The following AGBL1 variants were observed in gnomAD, a reference collection of about 807,000 sequenced individuals.
AGBL1 encodes the protein cytosolic carboxypeptidase 4.
In AGBL1, 130 loss-of-function variants were observed where a neutral mutation model predicts 118.9. The observed-to-expected ratio is 1.09, with a 90% CI of 0.95 to 1.26. The LOEUF (loss-of-function observed/expected upper bound fraction) is 1.26, where lower values mean the gene tolerates loss of function less well. Ranked by LOEUF, AGBL1 falls within the 50% of genes most tolerant of loss-of-function variation. The pLI is 0.00. For missense variants in AGBL1, 1,584 were observed against 1,298.1 expected (o/e 1.22, Z -3.38); for synonymous variants, 555 against 478.9 (o/e 1.16, Z -2.08).
chr15:86,473,059 A>T (rs2082501287), intron 18 of AGBL1, among the ~76,000 whole-genome samples: 1 of 152,252 alleles, frequency 6.6e-6, no homozygotes, highest in Non-Finnish European at 1.5e-5. Flanking sequence ...CTTTAACATT[A>T]GATTAAATGA....
intron 18 of AGBL1, among the ~76,000 whole-genome samples, chr15:86,491,394 T>G (rs980540547): frequency 6.6e-6 from 1 of 152,128 alleles, no homozygotes; most frequent in Non-Finnish European, 1.5e-5. Context: ...ATGAGAGGCC[T>G]TGTAGGCCTT....
intron 21 of AGBL1, among the ~76,000 whole-genome samples, chr15:86,635,334 C>CCTA (rs1299727538): frequency 1.0e-5 from 1 of 95,944 alleles, no homozygotes; most frequent in African/African-American, 3.9e-5. Flanking sequence ...TCCTCCTCCT[C>CCTA]CTCCTACTCC....
intron 21 of AGBL1, among the ~76,000 whole-genome samples, chr15:86,595,675 A>G (rs1288901103): frequency 2.0e-5 from 3 of 152,190 alleles, no homozygotes; most frequent in Non-Finnish European, 4.4e-5. Flanking sequence ...CACTGCACAG[A>G]TAAAACCAAT....
At chr15:86,357,338 C>A (rs1395509900) in intron 17 of AGBL1, among the ~76,000 whole-genome samples, 2 of 152,094 alleles carry the variant, frequency 1.3e-5, no homozygotes, top group Non-Finnish European at 2.9e-5. Flanking sequence ...GTAATTAAGT[C>A]AAAACTGAAT....
rs566084670 is a variant in AGBL1 at position 86,529,759 on chromosome 15, C to G, written c.2685+6820C>G. On this transcript the variant is annotated intron_variant, in intron 19 of 22. Coordinates refer to ENST00000614907, the MANE Select transcript of AGBL1 (RefSeq NM_001386094.1). ...AGCCCATCAGACTAACAGCGGATCT[C>G]TCGGCAGAAACCCTGCAAGCCAGAA... 4.1e-3 allele frequency among the ~76,000 whole-genome samples: 616 copies of G among 152,062 alleles called. 3 individuals are homozygous for G. Among genetic ancestry groups the G allele is most frequent in the Non-Finnish European group, 7.1e-3 (483 of 68,030 alleles).
chr15:86,847,364 T>A (rs2079334624), intron 22 of AGBL1, among the ~76,000 whole-genome samples: 1 of 152,212 alleles, frequency 6.6e-6, no homozygotes, highest in African/African-American at 2.4e-5. Flanking sequence ...TTGTAGATAA[T>A]GCATTGTGCT....
chr15:86,200,412 G>T (rs978565286), intron 5 of AGBL1, among the ~76,000 whole-genome samples: 1 of 152,028 alleles, frequency 6.6e-6, no homozygotes, highest in Non-Finnish European at 1.5e-5. Flanking sequence ...GCATTTTTCT[G>T]TACAACAGTG....
At chr15:86,685,942 C>G (rs554917339) in intron 22 of AGBL1, among the ~76,000 whole-genome samples, 14 of 152,106 alleles carry the variant, frequency 9.2e-5, no homozygotes, top group African/African-American at 2.7e-4. Context: ...GTACAAAGAT[C>G]GTAACATCCT....
At chr15:86,086,046 T>G (rs1895625812) in intron 1 of AGBL1, among the ~76,000 whole-genome samples, 1 of 152,208 alleles carries the variant, frequency 6.6e-6, no homozygotes, top group Non-Finnish European at 1.5e-5. Context: ...AATGCAGTGA[T>G]GCAATGAGGT....
At chr15:86,164,058 T>C (rs570759868) in intron 5 of AGBL1, among the ~76,000 whole-genome samples, 2 of 152,346 alleles carry the variant, frequency 1.3e-5, no homozygotes, top group African/African-American at 4.8e-5. Flanking sequence ...GAGCAAAGTT[T>C]CTCTCACTGG....
At chr15:86,817,782 A>G (rs1467142749) in intron 22 of AGBL1, among the ~76,000 whole-genome samples, 2 of 152,156 alleles carry the variant, frequency 1.3e-5, no homozygotes, top group Admixed American at 6.5e-5. Flanking sequence ...ATTTGCAAAC[A>G]GGGTCTTTGC....
chr15:86,133,888 A>G (rs2076851436), intron 1 of AGBL1, among the ~76,000 whole-genome samples: 1 of 152,174 alleles, frequency 6.6e-6, no homozygotes, highest in Non-Finnish European at 1.5e-5. Context: ...ACAAAACCAC[A>G]TTACCTACCA....
intron 21 of AGBL1, among the ~76,000 whole-genome samples, chr15:86,665,029 T>C (rs76314153): frequency 6.6e-6 from 1 of 152,178 alleles, no homozygotes; most frequent in Non-Finnish European, 1.5e-5. Context: ...TTAACATTTT[T>C]GTGCCCATAT....
chr15:86,619,976 C>T (rs2084781572), intron 21 of AGBL1, among the ~76,000 whole-genome samples: 1 of 152,200 alleles, frequency 6.6e-6, no homozygotes, highest in South Asian at 2.1e-4. Context: ...CCCAGTCTTT[C>T]CTGCTGATGG....
intron 22 of AGBL1, among the ~76,000 whole-genome samples, chr15:86,827,401 ATATATATGTG>A (rs1567194637): frequency 0.025 from 227 of 8,948 alleles, 46 homozygotes; most frequent in African/African-American, 0.17. Context: ...ATATATACAT[ATATATATGTG>A]TATATATATA....
Position 86,319,530 on chromosome 15 carries a change from A to AT in AGBL1, c.2374+24123dup, listed in dbSNP as rs1196950974. 2.6e-5 allele frequency among the ~76,000 whole-genome samples: 4 copies of AT among 151,866 alleles called. No individual in the cohort carries two copies. The East Asian group carries it at 7.7e-4, about 29-fold the overall frequency. Reference sequence around the variant, plus strand: ...GGTTTGTCTTTCTCTCACATTATATATGGAATCCTTCTGGCCACTGAGGTG... The same window carrying AT: ...GGTTTGTCTTTCTCTCACATTATATATTGGAATCCTTCTGGCCACTGAGGTG... On this transcript the variant is annotated intron_variant, in intron 17 of 22. Coordinates refer to ENST00000614907, the MANE Select transcript of AGBL1 (RefSeq NM_001386094.1).
At chr15:86,592,782 C>G (rs910281221) in intron 21 of AGBL1, among the ~76,000 whole-genome samples, 1 of 152,178 alleles carries the variant, frequency 6.6e-6, no homozygotes, top group African/African-American at 2.4e-5. Flanking sequence ...TGGGAAACTG[C>G]CTTTCCCTGG....
At position 86,639,271 on chromosome 15, in the gene AGBL1, A is replaced by G. The variant is rs1042644792; in HGVS notation, c.2995-35002A>G. ...GGGTCATCTTGGAAGTCTGCCTACCACAATGACCTTGCACTAGATCTACTT... is the reference window on the plus strand; with the variant it reads ...GGGTCATCTTGGAAGTCTGCCTACCGCAATGACCTTGCACTAGATCTACTT... On this transcript the variant is annotated intron_variant, in intron 21 of 22. Coordinates refer to ENST00000614907, the MANE Select transcript of AGBL1 (RefSeq NM_001386094.1). Among the ~76,000 whole-genome samples the G allele has an allele frequency of 3.3e-5, 5 of 152,316 alleles. No homozygotes were observed. The South Asian group carries it at 1.0e-3, about 32-fold the overall frequency.
chr15:86,851,635 T>A (rs1157258019), intron 22 of AGBL1, among the ~76,000 whole-genome samples: 1 of 152,142 alleles, frequency 6.6e-6, no homozygotes, highest in Non-Finnish European at 1.5e-5. Context: ...AATTCTTCCA[T>A]CCTCAGAGTC....
Sources: gnomAD v4.1 joint callset for allele counts (sites outside exome capture counted in the v4.1 genomes callset) on GRCh38, gnomAD v4.1.1 for gene constraint, MANE v1.5 for transcripts, NCBI Gene and HGNC (gene_info 2026-07-23, HGNC 2026-07-21) for gene names.